KCNG3: variants seen among roughly 807,000 people sequenced by gnomAD.
KCNG3 encodes voltage-gated potassium channel regulatory subunit KCNG3.
A neutral mutation model predicts 29.0 loss-of-function variants in KCNG3; 15 were observed. The observed-to-expected ratio is 0.52, with a 90% confidence interval of 0.35 to 0.80. KCNG3 has a LOEUF of 0.80. Ranked by LOEUF, KCNG3 falls within the 30% of genes least tolerant of loss-of-function variation. The probability of loss-of-function intolerance (pLI) is 0.01; values close to 1 mark genes in which losing one functional copy is unlikely to be tolerated. For synonymous variants in KCNG3, 322 were observed against 248.9 expected (o/e 1.29, Z -2.76); for missense variants, 512 against 605.7 (o/e 0.85, Z 1.62).
At chr2:42,477,384 TATATACACACACACACACACAC>T (rs1171241474) in intron 1 of KCNG3, among the ~76,000 whole-genome samples, 1 of 101,900 alleles carries the variant, frequency 9.8e-6, no homozygotes, top group East Asian at 4.0e-4. Flanking sequence ...CACACACATA[TATATACACACACACACACACAC>T]ACACACACAC....
the KCNG3 span, among the ~76,000 whole-genome samples, chr2:42,412,929 CTTTTT>C: frequency 6.6e-5 from 10 of 151,944 alleles, no homozygotes; most frequent in Non-Finnish European, 1.3e-4. Flanking sequence ...ATGTTTCTTT[CTTTTT>C]TATTTATTTT....
chr2:42,474,575 A>C (rs1053194747), intron 1 of KCNG3, among the ~76,000 whole-genome samples: 1 of 152,186 alleles, frequency 6.6e-6, no homozygotes, highest in African/African-American at 2.4e-5. Context: ...TCTAAATATT[A>C]TGTTTTGATA....
the KCNG3 span, among the ~76,000 whole-genome samples, chr2:42,411,891 C>T: frequency 6.6e-6 from 1 of 152,182 alleles, no homozygotes; most frequent in Non-Finnish European, 1.5e-5. Context: ...TACTGAAATA[C>T]AAGGGCTGAA....
intron 1 of KCNG3, among the ~76,000 whole-genome samples, chr2:42,474,255 T>C (rs1235989017): frequency 6.6e-6 from 1 of 151,540 alleles, no homozygotes; most frequent in Non-Finnish European, 1.5e-5. Flanking sequence ...CGGCCAGGCA[T>C]GGTGGCTCAT....
the KCNG3 span, among the ~76,000 whole-genome samples, chr2:42,409,423 G>A: frequency 6.6e-6 from 1 of 151,534 alleles, no homozygotes; most frequent in Non-Finnish European, 1.5e-5. Flanking sequence ...TTTTTTTAAG[G>A]CTGGGCGAGT....
At chr2:42,428,845 G>A in the KCNG3 span, among the ~76,000 whole-genome samples, 9 of 151,888 alleles carry the variant, frequency 5.9e-5, no homozygotes, top group Non-Finnish European at 1.2e-4. Flanking sequence ...GACGCTGAGT[G>A]TAGTGGCTTG....
At chr2:42,465,109 C>T (rs1673107722) in intron 1 of KCNG3, among the ~76,000 whole-genome samples, 1 of 152,056 alleles carries the variant, frequency 6.6e-6, no homozygotes, top group Admixed American at 6.6e-5. Context: ...GCATTACTAT[C>T]CTTACTTCAT....
the KCNG3 span, among the ~76,000 whole-genome samples, chr2:42,432,512 C>T: frequency 1.3e-5 from 2 of 152,232 alleles, no homozygotes; most frequent in Non-Finnish European, 2.9e-5. Flanking sequence ...TTCAAGGACA[C>T]AGAGGCACCT....
chr2:42,430,094 T>C, the KCNG3 span, among the ~76,000 whole-genome samples: 1 of 152,164 alleles, frequency 6.6e-6, no homozygotes, highest in African/African-American at 2.4e-5. Context: ...GGGGCGGACA[T>C]GGTAGCTCAT....
In KCNG3 at chr2:42,443,799, G is replaced by A; in HGVS notation, c.*135C>T. The stretch of plus-strand genomic sequence containing the variant: ...ACAAGTAAACTGTTTTATCCCTTCG[G>A]CTGGGAAGGATAATTTTTACCCTAC... On this transcript the variant is annotated 3_prime_UTR_variant, in exon 2 of 2. Coordinates refer to ENST00000306078, the MANE Select transcript of KCNG3 (RefSeq NM_133329.6). 2.6e-6 allele frequency: 2 copies of A among 780,214 alleles called. No individual in the cohort carries two copies. Among genetic ancestry groups the A allele is most frequent in the South Asian group, 1.9e-5 (1 of 52,050 alleles). 48.3% of individuals were successfully genotyped at this position (780,214 alleles called of 1,614,324 possible).
At chr2:42,469,518 C>T (rs1673233441) in intron 1 of KCNG3, among the ~76,000 whole-genome samples, 1 of 151,554 alleles carries the variant, frequency 6.6e-6, no homozygotes, top group South Asian at 2.1e-4. Context: ...TAGTGAAGTA[C>T]ATACTGGACT....
intron 1 of KCNG3, among the ~76,000 whole-genome samples, chr2:42,458,055 T>C (rs1672923157): frequency 6.6e-6 from 1 of 152,180 alleles, no homozygotes; most frequent in Non-Finnish European, 1.5e-5. Context: ...TGTCCCTATA[T>C]AGCTACAGTC....
intron 1 of KCNG3, among the ~76,000 whole-genome samples, chr2:42,477,497 G>A (rs1312682568): frequency 9.2e-5 from 13 of 141,466 alleles, no homozygotes; most frequent in Admixed American, 8.1e-4. Flanking sequence ...GCGCAATCTC[G>A]GCTCACTGCA....
the KCNG3 span, among the ~76,000 whole-genome samples, chr2:42,392,745 C>T: frequency 6.6e-6 from 1 of 151,508 alleles, no homozygotes; most frequent in Non-Finnish European, 1.5e-5. Flanking sequence ...GAATGAGGGT[C>T]CTGGCATCTC....
the KCNG3 span, among the ~76,000 whole-genome samples, chr2:42,417,749 G>A: frequency 6.6e-6 from 1 of 152,028 alleles, no homozygotes; most frequent in Non-Finnish European, 1.5e-5. Flanking sequence ...AAGGCAGGCA[G>A]ATCATGAGGT....
At chr2:42,452,047 C>T (rs1672768116) in intron 1 of KCNG3, among the ~76,000 whole-genome samples, 1 of 151,490 alleles carries the variant, frequency 6.6e-6, no homozygotes, top group Admixed American at 6.6e-5. Flanking sequence ...AACTCAGTAA[C>T]AACAACAAAA....
At chr2:42,389,680 T>C in the KCNG3 span, among the ~76,000 whole-genome samples, 8 of 152,364 alleles carry the variant, frequency 5.3e-5, no homozygotes, top group African/African-American at 1.7e-4. Flanking sequence ...CCATTGTGCA[T>C]TTGTCAAAAC....
In KCNG3 at chr2:42,493,507, G is replaced by C. The variant is rs763162047; in HGVS notation, c.-6C>G. 1 of 1,368,322 alleles carries C rather than the reference G, an allele frequency of 7.3e-7. No individual in the cohort carries two copies. Among genetic ancestry groups the C allele is most frequent in the Admixed American group, 3.6e-5 (1 of 27,860 alleles). 84.8% of individuals were successfully genotyped at this position (1,368,322 alleles called of 1,614,324 possible). On this transcript the variant is annotated 5_prime_UTR_variant, in exon 1 of 2. Coordinates refer to ENST00000306078, the MANE Select transcript of KCNG3 (RefSeq NM_133329.6). ...CCGCTGCGCCCGAAGGTCATGGCTG[G>C]CCGCCCGGGGGACTTTCGGCCCGAG...
chr2:42,408,498 G>A, the KCNG3 span, among the ~76,000 whole-genome samples: 1 of 152,102 alleles, frequency 6.6e-6, no homozygotes, highest in Admixed American at 6.5e-5. Flanking sequence ...CCTCTCTGCT[G>A]AGAGCTGCAG....
Sources: allele counts gnomAD v4.1 joint callset (sites outside exome capture counted in the v4.1 genomes callset), GRCh38; gene constraint gnomAD v4.1.1; transcripts MANE v1.5; gene names NCBI Gene and HGNC (gene_info 2026-07-23, HGNC 2026-07-21).